CNTNAP2: variants seen among roughly 807,000 people sequenced by gnomAD.
CNTNAP2 encodes the protein contactin associated protein 2, also known as contactin-associated protein-like 2.
In CNTNAP2, 98 loss-of-function variants were observed where a neutral mutation model predicts 155.2. The ratio of observed to expected loss-of-function variants is 0.63; its 90% CI spans 0.54 to 0.75. The LOEUF is 0.75. Among genes scored for constraint, CNTNAP2 ranks in the 30% least tolerant of loss-of-function variants. The pLI is 0.00. For missense variants in CNTNAP2, 1,727 were observed against 1,688.1 expected, an observed-to-expected ratio of 1.02 and a Z score of -0.40; for synonymous variants, 651 against 631.2, an observed-to-expected ratio of 1.03 and a Z score of -0.47.
intron 1 of CNTNAP2, among the ~76,000 whole-genome samples, chr7:146,594,996 C>T (rs454612): frequency 0.33 from 49,883 of 151,770 alleles, 8,569 homozygotes; most frequent in East Asian, 0.48. Context: ...TGAATAAACT[C>T]GAGGACATAA....
rs577259772 is a variant in CNTNAP2, at chr7:147,813,294, A to G, written c.2099-90271A>G. Reference sequence around the variant, plus strand: ...AGTTCAAAACATCACATTTTTTACCAGGAAGTTGATGCATTCCCTTGGCAA... The same window carrying G: ...AGTTCAAAACATCACATTTTTTACCGGGAAGTTGATGCATTCCCTTGGCAA... On this transcript the variant is annotated intron_variant, in intron 13 of 23. Coordinates refer to ENST00000361727, the MANE Select transcript of CNTNAP2 (RefSeq NM_014141.6). Among the ~76,000 whole-genome samples the G allele has an allele frequency of 1.4e-4, 22 of 152,318 alleles. No homozygotes were observed. In the East Asian group the frequency reaches 2.1e-3, roughly 15 times the overall value.
At chr7:148,294,389 A>G (rs1797244455) in intron 21 of CNTNAP2, among the ~76,000 whole-genome samples, 1 of 152,232 alleles carries the variant, frequency 6.6e-6, no homozygotes, top group Non-Finnish European at 1.5e-5. Flanking sequence ...AGTTTTATGT[A>G]CGGCTAACTT....
chr7:146,926,211 C>A (rs532081416), intron 3 of CNTNAP2, among the ~76,000 whole-genome samples: 2 of 151,868 alleles, frequency 1.3e-5, no homozygotes, highest in East Asian at 3.9e-4. Flanking sequence ...CTGATTAGTA[C>A]GTTTCAAATT....
At chr7:146,472,942 A>G (rs964785513) in intron 1 of CNTNAP2, among the ~76,000 whole-genome samples, 3 of 149,804 alleles carry the variant, frequency 2.0e-5, no homozygotes, top group African/African-American at 7.4e-5. Context: ...GGGATACTAG[A>G]TACGTGAAGC....
At chr7:147,332,616 C>T (rs13240553) in intron 9 of CNTNAP2, among the ~76,000 whole-genome samples, 29,595 of 152,088 alleles carry the variant, frequency 0.19, 3,138 homozygotes, top group East Asian at 0.36. Context: ...GTAATCCCAG[C>T]ACTTTGGGAG....
At chr7:146,415,700 AT>A (rs143670476) in intron 1 of CNTNAP2, among the ~76,000 whole-genome samples, 5,392 of 152,158 alleles carry the variant, frequency 0.035, 338 homozygotes, top group African/African-American at 0.12. Context: ...GTTTAAAAAA[AT>A]TTAAAAAAAA....
At chr7:146,874,871 T>C (rs1265363679) in intron 3 of CNTNAP2, among the ~76,000 whole-genome samples, 1 of 152,214 alleles carries the variant, frequency 6.6e-6, no homozygotes, top group Non-Finnish European at 1.5e-5. Context: ...TTAGCGCTTT[T>C]GTTTATTTTA....
chr7:147,988,108 T>C (rs1464658341), intron 15 of CNTNAP2, among the ~76,000 whole-genome samples: 1 of 152,100 alleles, frequency 6.6e-6, no homozygotes. Flanking sequence ...GGGGTAGGGG[T>C]TCCAGGCTAT....
chr7:146,641,292 C>G (rs1314248283), intron 1 of CNTNAP2, among the ~76,000 whole-genome samples: 1 of 152,172 alleles, frequency 6.6e-6, no homozygotes, highest in Non-Finnish European at 1.5e-5. Context: ...CACCACTGCA[C>G]TCCAGCCTGA....
At chr7:147,107,779 A>C (rs949216252) in intron 4 of CNTNAP2, among the ~76,000 whole-genome samples, 4 of 152,210 alleles carry the variant, frequency 2.6e-5, no homozygotes, top group African/African-American at 9.6e-5. Flanking sequence ...ATTATCATTA[A>C]GGAATCAAAC....
At chr7:146,496,307 A>C (rs1797214173) in intron 1 of CNTNAP2, among the ~76,000 whole-genome samples, 1 of 152,170 alleles carries the variant, frequency 6.6e-6, no homozygotes, top group African/African-American at 2.4e-5. Context: ...AAAGGAAAGG[A>C]AAGTTAGAAA....
chr7:147,834,410 G>A (rs557680539), intron 13 of CNTNAP2, among the ~76,000 whole-genome samples: 1 of 152,118 alleles, frequency 6.6e-6, no homozygotes, highest in African/African-American at 2.4e-5. Context: ...TTTTGTGTTG[G>A]GGTCTATGGA....
At chr7:146,856,360 G>GAGGCAGAAGATAAAA (rs1306662268) in intron 3 of CNTNAP2, among the ~76,000 whole-genome samples, 2 of 151,368 alleles carry the variant, frequency 1.3e-5, no homozygotes, top group Admixed American at 6.6e-5. Flanking sequence ...GCAATAGATA[G>GAGGCAGAAGATAAAA]ATAAAATGAG....
rs186936916 is a variant in CNTNAP2, at chr7:146,535,807, G to A, written c.98-238464G>A. Among the ~76,000 whole-genome samples the A allele has an allele frequency of 4.7e-3, 717 of 151,798 alleles. 3 individuals are homozygous for A. Among genetic ancestry groups the A allele is most frequent in the African/African-American group, 0.016 (666 of 41,380 alleles). On this transcript the variant is annotated intron_variant, in intron 1 of 23. Transcript: ENST00000361727. ...GTAGTTCCCATTGTCTATTGTTCCC[G>A]TATTTATGTCCAAAAAGTATGTGTT...
chr7:146,252,182 T>G (rs536416645), intron 1 of CNTNAP2, among the ~76,000 whole-genome samples: 1 of 152,302 alleles, frequency 6.6e-6, no homozygotes, highest in African/African-American at 2.4e-5. Flanking sequence ...CTGCTCATAT[T>G]CATTAGCCAA....
At chr7:147,384,960 A>G (rs1796601404) in intron 9 of CNTNAP2, among the ~76,000 whole-genome samples, 1 of 152,180 alleles carries the variant, frequency 6.6e-6, no homozygotes, top group African/African-American at 2.4e-5. Context: ...AAAGAGGTTT[A>G]ATGGACTTAC....
chr7:146,644,735 A>G (rs1485305052), intron 1 of CNTNAP2, among the ~76,000 whole-genome samples: 1 of 152,190 alleles, frequency 6.6e-6, no homozygotes, highest in Non-Finnish European at 1.5e-5. Flanking sequence ...ATCTAGAAGA[A>G]ATGGATAAAT....
chr7:146,557,821 A>G (rs1324081112), intron 1 of CNTNAP2, among the ~76,000 whole-genome samples: 2 of 152,186 alleles, frequency 1.3e-5, no homozygotes, highest in African/African-American at 4.8e-5. Flanking sequence ...TACAATTGAT[A>G]CATTTATTTT....
At chr7:146,935,254 C>T (rs1345501542) in intron 3 of CNTNAP2, among the ~76,000 whole-genome samples, 1 of 152,268 alleles carries the variant, frequency 6.6e-6, no homozygotes, top group East Asian at 1.9e-4. Flanking sequence ...TTGTTTAGGC[C>T]TCTATGAACA....
Sources: gnomAD v4.1 joint callset for allele counts (sites outside exome capture counted in the v4.1 genomes callset) on GRCh38, gnomAD v4.1.1 for gene constraint, MANE v1.5 for transcripts, NCBI Gene and HGNC (gene_info 2026-07-23, HGNC 2026-07-21) for gene names.